Variants in CACNB2 observed in about 807,000 individuals in gnomAD.
The protein encoded by CACNB2 is calcium voltage-gated channel auxiliary subunit beta 2.
In CACNB2, 42 loss-of-function variants were observed where a neutral mutation model predicts 73.3. The ratio of observed to expected loss-of-function variants is 0.57; its 90% CI spans 0.45 to 0.74. The LOEUF is 0.74. Among genes scored for constraint, CACNB2 ranks in the 30% least tolerant of loss-of-function variants. CACNB2 has a pLI of 0.00. For missense variants in CACNB2, 940 were observed against 853.0 expected, an observed-to-expected ratio of 1.10 and a Z score of -1.27; for synonymous variants, 348 against 310.3, an observed-to-expected ratio of 1.12 and a Z score of -1.28.
At chr10:18,146,265 G>A (rs1287115160) in intron 1 of CACNB2, among the ~76,000 whole-genome samples, 2 of 151,360 alleles carry the variant, frequency 1.3e-5, no homozygotes, top group Admixed American at 6.6e-5. Context: ...AATTCAAAGG[G>A]ATAAACATCA....
At chr10:18,280,271 T>C (rs2038484315) in intron 2 of CACNB2, among the ~76,000 whole-genome samples, 1 of 152,156 alleles carries the variant, frequency 6.6e-6, no homozygotes, top group Non-Finnish European at 1.5e-5. Flanking sequence ...TATTGAGCAA[T>C]TACTATTTAG....
chr10:18,165,270 G>A (rs1366755741), intron 2 of CACNB2, among the ~76,000 whole-genome samples: 1 of 152,230 alleles, frequency 6.6e-6, no homozygotes, highest in African/African-American at 2.4e-5. Flanking sequence ...TGGAAGGGCA[G>A]AGAGGAGGGA....
chr10:18,450,117 G>A (rs1340484432), intron 3 of CACNB2, among the ~76,000 whole-genome samples: 1 of 152,174 alleles, frequency 6.6e-6, no homozygotes, highest in African/African-American at 2.4e-5. Flanking sequence ...AGTCTGTAAA[G>A]CCCAAAACTA....
intron 2 of CACNB2, among the ~76,000 whole-genome samples, chr10:18,243,715 T>A (rs1417116663): frequency 6.6e-6 from 1 of 152,144 alleles, no homozygotes; most frequent in African/African-American, 2.4e-5. Context: ...CTCTCTTGCT[T>A]TTCCTCTTGG....
intron 9 of CACNB2, among the ~76,000 whole-genome samples, chr10:18,520,681 T>C (rs1010460881): frequency 1.3e-5 from 2 of 152,220 alleles, no homozygotes; most frequent in African/African-American, 4.8e-5. Flanking sequence ...AGATTTTCTC[T>C]TGCTGCTCTT....
chr10:18,325,661 C>G (rs534262209), intron 2 of CACNB2, among the ~76,000 whole-genome samples: 3 of 140,740 alleles, frequency 2.1e-5, no homozygotes, highest in East Asian at 2.0e-4. Flanking sequence ...TTCTCTCTCT[C>G]TCTTTCTTTC....
At chr10:18,398,124 A>T (rs1314207028) in intron 2 of CACNB2, among the ~76,000 whole-genome samples, 2 of 152,228 alleles carry the variant, frequency 1.3e-5, no homozygotes, top group East Asian at 3.8e-4. Flanking sequence ...ATGACCCAGA[A>T]AGTCCATATG....
chr10:18,232,674 T>C (rs547914129), intron 2 of CACNB2, among the ~76,000 whole-genome samples: 1 of 152,378 alleles, frequency 6.6e-6, no homozygotes, highest in East Asian at 1.9e-4. Flanking sequence ...TAAAATTTGC[T>C]ATCATAAAAG....
At chr10:18,319,463 G>T (rs2040316258) in intron 2 of CACNB2, among the ~76,000 whole-genome samples, 1 of 151,948 alleles carries the variant, frequency 6.6e-6, no homozygotes, top group African/African-American at 2.4e-5. Context: ...GGGGGGCAAG[G>T]GGAAGGATGG....
chr10:18,481,205 TATATATATATATATATATA>T (rs2048716839), intron 3 of CACNB2, among the ~76,000 whole-genome samples: 3 of 11,826 alleles, frequency 2.5e-4, no homozygotes, highest in Admixed American at 1.2e-3. Context: ...TATATATATA[TATATATATATATATATATA>T]TATATATTTT....
intron 3 of CACNB2, among the ~76,000 whole-genome samples, chr10:18,491,057 C>T (rs534380303): frequency 3.0e-4 from 45 of 152,260 alleles, no homozygotes; most frequent in Non-Finnish European, 3.8e-4. Context: ...CTGGTGTTCC[C>T]GTGAAACCTC....
intron 2 of CACNB2, among the ~76,000 whole-genome samples, chr10:18,394,483 A>G (rs961466921): frequency 2.6e-5 from 4 of 152,360 alleles, no homozygotes; most frequent in African/African-American, 9.6e-5. Flanking sequence ...AGACACATGC[A>G]TGGCACTTGA....
intron 2 of CACNB2, among the ~76,000 whole-genome samples, chr10:18,391,420 G>GT (rs925199874): frequency 6.6e-5 from 10 of 152,146 alleles, no homozygotes; most frequent in African/African-American, 2.2e-4. Context: ...ACTATAGGAT[G>GT]TAAGAGAGAA....
At chr10:18,477,317 G>T (rs539015435) in intron 3 of CACNB2, among the ~76,000 whole-genome samples, 1 of 152,144 alleles carries the variant, frequency 6.6e-6, no homozygotes, top group Non-Finnish European at 1.5e-5. Context: ...TGTTTTATCA[G>T]CAAGGTCTTT....
chr10:18,453,307 C>T (rs996392349), intron 3 of CACNB2, among the ~76,000 whole-genome samples: 4 of 152,210 alleles, frequency 2.6e-5, no homozygotes, highest in Non-Finnish European at 4.4e-5. Context: ...AACTCCTTCT[C>T]ATGGTTTAAA....
At chr10:18,310,138 G>T (rs1281523805) in intron 2 of CACNB2, among the ~76,000 whole-genome samples, 1 of 151,618 alleles carries the variant, frequency 6.6e-6, no homozygotes, top group Non-Finnish European at 1.5e-5. Flanking sequence ...TTATTTTTCT[G>T]TTGTATTTTC....
At chr10:18,491,778 A>G (rs2049441400) in intron 3 of CACNB2, among the ~76,000 whole-genome samples, 1 of 144,540 alleles carries the variant, frequency 6.9e-6, no homozygotes, top group African/African-American at 2.5e-5. Context: ...TAAAAATTCA[A>G]TGATTCCGTA....
At chr10:18,483,325 G>A (rs1461751868) in intron 3 of CACNB2, among the ~76,000 whole-genome samples, 3 of 151,860 alleles carry the variant, frequency 2.0e-5, no homozygotes, top group African/African-American at 4.8e-5. Context: ...GAGGTCAGGA[G>A]GTAGAGACCA....
intron 2 of CACNB2, among the ~76,000 whole-genome samples, chr10:18,176,483 C>A (rs2033597296): frequency 2.0e-5 from 3 of 151,996 alleles, no homozygotes; most frequent in African/African-American, 7.2e-5. Flanking sequence ...TAAATGTGAA[C>A]CTCCAACAGT....
Sources: gnomAD v4.1 joint callset for allele counts (sites outside exome capture counted in the v4.1 genomes callset) on GRCh38, gnomAD v4.1.1 for gene constraint, MANE v1.5 for transcripts, NCBI Gene and HGNC (gene_info 2026-07-23, HGNC 2026-07-21) for gene names.